ZNF559: variants seen among roughly 807,000 people sequenced by gnomAD.
ZNF559 encodes zinc finger protein 559.
A neutral mutation model predicts 14.2 loss-of-function variants in ZNF559; 17 were observed. The ratio of observed to expected loss-of-function variants is 1.20; its 90% confidence interval spans 0.82 to 1.80. ZNF559 has a LOEUF of 1.80. Among genes scored for constraint, ZNF559 ranks in the 40% most tolerant of loss-of-function variants. The pLI is 0.00. For synonymous variants in ZNF559, 244 were observed against 212.4 expected (o/e 1.15, Z -1.29); for missense variants, 740 against 629.7 (o/e 1.18, Z -1.88).
intron 2 of ZNF559, among the ~76,000 whole-genome samples, chr19:9,329,336 T>C (rs1362787943): frequency 1.3e-5 from 2 of 152,152 alleles, no homozygotes; most frequent in Non-Finnish European, 1.5e-5. Flanking sequence ...GAAAGTGGAG[T>C]GTTGAAGTCC....
chr19:9,343,624 A>G lies in ZNF559; in HGVS notation c.*556A>G. 1.0e-6 allele frequency: 1 copy of G among 990,212 alleles called. No homozygotes were observed. Among genetic ancestry groups the G allele is most frequent in the Non-Finnish European group, 1.2e-6 (1 of 832,580 alleles). 61.3% of individuals were successfully genotyped at this position (990,212 alleles called of 1,614,324 possible). A position where few individuals can be genotyped will look rare whatever the true frequency, so the allele number is the denominator to read the frequency against. Reference sequence around the variant, plus strand: ...TGGGAACATGTCAAAGCACACATTGAGAAGTCCCATGAGTGAAAGAGATGT... The same window carrying G: ...TGGGAACATGTCAAAGCACACATTGGGAAGTCCCATGAGTGAAAGAGATGT... On this transcript the variant is annotated 3_prime_UTR_variant, in exon 7 of 7. Transcript: ENST00000603380.
intron 2 of ZNF559, among the ~76,000 whole-genome samples, chr19:9,331,771 T>TA (rs1156830520): frequency 6.6e-6 from 1 of 152,194 alleles, no homozygotes; most frequent in African/African-American, 2.4e-5. Flanking sequence ...CCAGTATTGT[T>TA]ACTATGTGTT....
chr19:9,338,701 TC>T, intron 4 of ZNF559, 119 bp downstream of exon 4: 1 of 740,106 alleles, frequency 1.4e-6, no homozygotes. Flanking sequence ...GGACCACATC[TC>T]TCATCAAACT....
intron 2 of ZNF559, among the ~76,000 whole-genome samples, chr19:9,326,744 C>T (rs1285663611): frequency 6.6e-6 from 1 of 152,110 alleles, no homozygotes; most frequent in Non-Finnish European, 1.5e-5. Context: ...AGACATTTCA[C>T]ACTTCTTTTG....
Position 9,343,316 on chromosome 19 carries a change from T to C in ZNF559, c.*248T>C, listed in dbSNP as rs1454016301. On this transcript the variant is annotated 3_prime_UTR_variant, in exon 7 of 7. Coordinates refer to ENST00000603380, the MANE Select transcript of ZNF559 (RefSeq NM_032497.3). ...TGCATCCTAGGAAACAAACTGAACGTAGGAAACCTGTCGATGCTTACATCT... is the reference window on the plus strand; with the variant it reads ...TGCATCCTAGGAAACAAACTGAACGCAGGAAACCTGTCGATGCTTACATCT... The C allele has an allele frequency of 2.4e-6, 3 of 1,272,080 alleles. No individual in the cohort carries two copies. Among genetic ancestry groups the C allele is most frequent in the Middle Eastern group, 3.1e-4 (1 of 3,216 alleles). 78.8% of individuals were successfully genotyped at this position (1,272,080 alleles called of 1,614,324 possible).
At chr19:9,336,590 ATC>A (rs2067252461) in intron 2 of ZNF559, among the ~76,000 whole-genome samples, 1 of 151,752 alleles carries the variant, frequency 6.6e-6, no homozygotes, top group Non-Finnish European at 1.5e-5. Context: ...GCGAGACTCC[ATC>A]TCAAAAAAAA....
chr19:9,324,687 T>A lies in ZNF559; in HGVS notation c.-205-8T>A. 1 of 1,526,618 alleles carries A rather than the reference T, an allele frequency of 6.6e-7. No individual in the cohort carries two copies. The highest frequency in any genetic ancestry group is 8.8e-7 in the Non-Finnish European group (1 of 1,142,554). The allele number at this position is 1,526,618 out of a possible 1,614,324, so 94.6% of individuals were successfully genotyped here. ...TCCACATCCAGCGTTGTGCCTTTTC[T>A]CTATAAGGAACAGCATCTCTGCCTT... On this transcript the variant is annotated splice_region_variant and splice_polypyrimidine_tract_variant and intron_variant, in intron 1 of 6. Transcript: ENST00000603380.
chr19:9,327,237 TTTTG>T (rs775708426), intron 2 of ZNF559, among the ~76,000 whole-genome samples: 2 of 99,628 alleles, frequency 2.0e-5, no homozygotes, highest in East Asian at 2.4e-4. Context: ...TTTTGTTTTG[TTTTG>T]TTTTTTTTTG....
rs1348326877 is a variant in ZNF559 at position 9,344,465 on chromosome 19, A to G, written c.*1397A>G. 2.0e-5 allele frequency: 3 copies of G among 152,184 alleles called. No individual in the cohort carries two copies. The highest frequency in any genetic ancestry group is 2.9e-5 in the Non-Finnish European group (2 of 68,064). 9.4% of individuals were successfully genotyped at this position (152,184 alleles called of 1,614,324 possible). ...CAAGACCAGCCTGGGCAATATAGTG[A>G]AACCTCATCTTGACAAAGAATAAAT... On this transcript the variant is annotated 3_prime_UTR_variant, in exon 7 of 7. Coordinates refer to ENST00000603380, the MANE Select transcript of ZNF559 (RefSeq NM_032497.3).
chr19:9,329,749 C>T (rs1234420081), intron 2 of ZNF559, among the ~76,000 whole-genome samples: 1 of 152,138 alleles, frequency 6.6e-6, no homozygotes, highest in Non-Finnish European at 1.5e-5. Flanking sequence ...CTGCAACCTC[C>T]ACCTCCCGGG....
At position 9,341,737 on chromosome 19, in the gene ZNF559, T is replaced by A. The variant is rs757808405; in HGVS notation, c.286T>A (p.Cys96Ser). The A allele has an allele frequency of 4.5e-5, 71 of 1,595,206 alleles. No homozygotes were observed. Among genetic ancestry groups the A allele is most frequent in the Non-Finnish European group, 5.7e-5 (67 of 1,174,588 alleles). The part of the protein sequence containing the change: ...FGEELFDFNQ[C>S]EKALSEHSCL... The stretch of plus-strand genomic sequence containing the variant: ...AGAGGAACTGTTTGACTTTAACCAA[T>A]GTGAAAAAGCCTTGAGTGAACACTC... The change falls in exon 7 of 7, where the codon TGT becomes AGT. Residue 96 changes from cysteine (C) to serine (S), a missense_variant. Transcript: ENST00000603380.
chr19:9,341,043 C>A lies in ZNF559; in HGVS notation c.161-59C>A. ...GTACATACTAGTCTTGCATTTTTAA[C>A]ACCCTTTTTAAAATCATTATTTCTC... On this transcript the variant is annotated intron_variant, in intron 5 of 6. Coordinates refer to ENST00000603380, the MANE Select transcript of ZNF559 (RefSeq NM_032497.3). 5 of 1,363,770 alleles carry A rather than the reference C, an allele frequency of 3.7e-6. No individual in the cohort carries two copies. In the South Asian group the frequency reaches 6.3e-5, roughly 17 times the overall value. 84.5% of individuals were successfully genotyped at this position (1,363,770 alleles called of 1,614,324 possible). A position where few individuals can be genotyped will look rare whatever the true frequency, so the allele number is the denominator to read the frequency against.
intron 2 of ZNF559, among the ~76,000 whole-genome samples, chr19:9,328,807 TTG>T (rs1249691715): frequency 6.6e-6 from 1 of 152,202 alleles, no homozygotes; most frequent in Non-Finnish European, 1.5e-5. Flanking sequence ...ATGTGGAATG[TTG>T]TGTCAGAAGT....
intron 2 of ZNF559, among the ~76,000 whole-genome samples, chr19:9,335,155 T>TAAAAAAAAAA (rs1568362673): frequency 3.0e-4 from 42 of 138,302 alleles, no homozygotes; most frequent in African/African-American, 1.1e-3. Flanking sequence ...AAAAAAAAAT[T>TAAAAAAAAAA]AGCTGGTCAT....
At chr19:9,323,856 T>C, upstream of ZNF559, 1 of 376,776 alleles carries the variant, frequency 2.7e-6, no homozygotes, top group East Asian at 4.5e-5. Context: ...TCGGAGCCCT[T>C]GAGCTGCCGC....
chr19:9,327,994 C>T (rs559338558), intron 2 of ZNF559, among the ~76,000 whole-genome samples: 1 of 152,260 alleles, frequency 6.6e-6, no homozygotes, highest in Non-Finnish European at 1.5e-5. Flanking sequence ...GTGTGATAGG[C>T]CCACAGTGGA....
chr19:9,334,861 G>C (rs954412433), intron 2 of ZNF559, among the ~76,000 whole-genome samples: 2 of 152,038 alleles, frequency 1.3e-5, no homozygotes, highest in Non-Finnish European at 2.9e-5. Context: ...ATGGCCAGGC[G>C]GGGTGGCTCA....
rs748426447 is a variant in ZNF559 at position 9,338,548 on chromosome 19, G to C, written c.-2G>C. The C allele has an allele frequency of 6.2e-7, 1 of 1,614,020 alleles. No homozygotes were observed. Among genetic ancestry groups the C allele is most frequent in the African/African-American group, 1.3e-5 (1 of 75,046 alleles). ...CATGAGTCAAAATTTGAAGAGGAAA[G>C]GATGGTGGCTGGGTGGTTGACAAAT... is the stretch of plus-strand genomic sequence containing the variant. On this transcript the variant is annotated 5_prime_UTR_variant, in exon 4 of 7. Coordinates refer to ENST00000603380, the MANE Select transcript of ZNF559 (RefSeq NM_032497.3).
intron 2 of ZNF559, among the ~76,000 whole-genome samples, chr19:9,335,247 T>C (rs1404045692): frequency 6.6e-6 from 1 of 151,786 alleles, no homozygotes; most frequent in African/African-American, 2.4e-5. Flanking sequence ...GATCAGCCTT[T>C]CCAACATTGC....
Sources: allele counts gnomAD v4.1 joint callset (sites outside exome capture counted in the v4.1 genomes callset), GRCh38; gene constraint gnomAD v4.1.1; transcripts MANE v1.5; gene names NCBI Gene and HGNC (gene_info 2026-07-23, HGNC 2026-07-21).